SCN7A: variants seen among roughly 807,000 people sequenced by gnomAD.
The protein encoded by SCN7A is sodium channel protein type 7 subunit alpha.
Under a neutral mutation model 155.2 loss-of-function variants are expected in SCN7A, and 138 were observed. The observed-to-expected ratio is 0.89, with a 90% CI of 0.77 to 1.02. The LOEUF (loss-of-function observed/expected upper bound fraction) is 1.02. SCN7A is among the 50% of genes least tolerant of loss of function. SCN7A has a pLI of 0.00. For missense variants in SCN7A, 2,058 were observed against 1,986.6 expected, an observed-to-expected ratio of 1.04 and a Z score of -0.68; for synonymous variants, 693 against 649.0, an observed-to-expected ratio of 1.07 and a Z score of -1.03.
chr2:166,414,114 T>TATATATAAAC, intron 21 of SCN7A, among the ~76,000 whole-genome samples: 1 of 85,540 alleles, frequency 1.2e-5, no homozygotes, highest in East Asian at 3.2e-4. Flanking sequence ...TATATATAAA[T>TATATATAAAC]ATATATAATA....
chr2:166,488,977 A>C (rs1206011662), intron 1 of SCN7A, among the ~76,000 whole-genome samples: 1 of 152,204 alleles, frequency 6.6e-6, no homozygotes, highest in Non-Finnish European at 1.5e-5. Flanking sequence ...TCTTTGGCCC[A>C]GCAATTAAGC....
Position 166,416,705 on chromosome 2 carries a change from A to C in SCN7A, c.3414+2T>G, listed in dbSNP as rs764731855. 11 of 1,597,878 alleles carry C rather than the reference A, an allele frequency of 6.9e-6. No homozygotes were observed. In the Admixed American group the frequency reaches 1.7e-4, roughly 25 times the overall value. On this transcript the variant is annotated splice_donor_variant, in intron 21 of 25. Coordinates refer to ENST00000643258, the MANE Select transcript of SCN7A (RefSeq NM_002976.4). LOFTEE classifies it high-confidence loss of function. ...ATAAGGAAAAGTCAAAAGTGTACTT[A>C]CTACTTGAAGCAGAGAAAGGAAACC...
intron 23 of SCN7A, among the ~76,000 whole-genome samples, chr2:166,410,776 AG>A (rs1396317129): frequency 6.6e-6 from 1 of 152,024 alleles, no homozygotes; most frequent in Non-Finnish European, 1.5e-5. Context: ...AAATAGTATC[AG>A]AAGAGTTTTT....
Position 166,471,725 on chromosome 2 carries a change from T to TGG in SCN7A, c.572+590_572+591dup, listed in dbSNP as rs71820372. 4.3e-3 allele frequency among the ~76,000 whole-genome samples: 575 copies of TGG among 134,610 alleles called. 11 individuals are homozygous for TGG. Among genetic ancestry groups the TGG allele is most frequent in the Admixed American group, 0.027 (353 of 12,874 alleles). The allele number at this position is 134,610 out of a possible 152,430, so 88.3% of individuals were successfully genotyped here. On this transcript the variant is annotated intron_variant, in intron 6 of 25. Coordinates refer to ENST00000643258, the MANE Select transcript of SCN7A (RefSeq NM_002976.4). ...ATTGTATGAAGCATTCCAGAAAATG[T>TGG]GGGGGGGGGGGTGGTGTTTAAGATA...
chr2:166,411,688 G>C (rs1304669842), intron 23 of SCN7A, among the ~76,000 whole-genome samples: 1 of 152,082 alleles, frequency 6.6e-6, no homozygotes, highest in Middle Eastern at 3.4e-3. Flanking sequence ...CATGGAAAAG[G>C]CATCTTAACG....
chr2:166,425,517 T>C lies in SCN7A; in HGVS notation c.2854-2085A>G, dbSNP rs143370486. The stretch of plus-strand genomic sequence containing the variant: ...ATACTCTCATTCTTGATGTCAGAAA[T>C]CACTGGGCTAAAATCGAGGTGATGA... On this transcript the variant is annotated intron_variant, in intron 18 of 25. Transcript: ENST00000643258. Among the ~76,000 whole-genome samples, 407 of 152,204 alleles carry C rather than the reference T, an allele frequency of 2.7e-3. 3 individuals are homozygous for C. In the Middle Eastern group the frequency reaches 0.037, roughly 14 times the overall value.
intron 2 of SCN7A, among the ~76,000 whole-genome samples, chr2:166,478,876 A>G (rs1391037679): frequency 3.3e-5 from 5 of 151,944 alleles, no homozygotes; most frequent in Non-Finnish European, 7.4e-5. Flanking sequence ...TCATGCATCA[A>G]TTCCCCATTC....
At chr2:166,470,954 A>G (rs145377776) in intron 6 of SCN7A, among the ~76,000 whole-genome samples, 200 of 152,010 alleles carry the variant, frequency 1.3e-3, no homozygotes, top group African/African-American at 4.6e-3. Context: ...TGAATGCTCA[A>G]TTTCTCATCA....
rs538496860 is a variant in SCN7A, at chr2:166,428,222, T to G, written c.2699-280A>C. ...CATGTTGTCACTCTGCAAAACAGTC[T>G]GAGAATAGGTATTCACTAATAGCAC... On this transcript the variant is annotated intron_variant, in intron 17 of 25. Transcript: ENST00000643258. Among the ~76,000 whole-genome samples the G allele has an allele frequency of 2.0e-5, 3 of 152,180 alleles. No individual in the cohort carries two copies. In the South Asian group the frequency reaches 6.2e-4, roughly 32 times the overall value.
At chr2:166,480,467 A>G (rs368766642) in intron 2 of SCN7A, among the ~76,000 whole-genome samples, 3 of 125,162 alleles carry the variant, frequency 2.4e-5, no homozygotes, top group African/African-American at 8.7e-5. Flanking sequence ...CAAAAAAAAA[A>G]AACAAAAAAA....
intron 9 of SCN7A, among the ~76,000 whole-genome samples, chr2:166,464,166 G>A (rs757288216): frequency 2.0e-4 from 24 of 119,644 alleles, no homozygotes; most frequent in Non-Finnish European, 3.5e-4. Context: ...ATACACATAT[G>A]TGTGTATATA....
At chr2:166,458,103 G>T (rs1386435720) in intron 10 of SCN7A, among the ~76,000 whole-genome samples, 1 of 152,060 alleles carries the variant, frequency 6.6e-6, no homozygotes, top group Non-Finnish European at 1.5e-5. Flanking sequence ...GTTATTTATT[G>T]TAGTGCATTC....
chr2:166,489,747 T>TC (rs1683041583), intron 1 of SCN7A, among the ~76,000 whole-genome samples: 1 of 152,196 alleles, frequency 6.6e-6, no homozygotes, highest in South Asian at 2.1e-4. Context: ...GCAGCTATGT[T>TC]CTGCTTCCAG....
chr2:166,459,527 G>A (rs954537075), intron 10 of SCN7A, among the ~76,000 whole-genome samples: 3 of 152,012 alleles, frequency 2.0e-5, no homozygotes, highest in African/African-American at 7.2e-5. Flanking sequence ...AATATATTTT[G>A]AATTAATGGA....
chr2:166,425,614 T>C (rs951948960), intron 18 of SCN7A, among the ~76,000 whole-genome samples: 3 of 152,080 alleles, frequency 2.0e-5, no homozygotes, highest in Non-Finnish European at 4.4e-5. Context: ...TGACTACTTA[T>C]ACACTTTGGC....
At chr2:166,454,757 C>T (rs1193275824) in intron 11 of SCN7A, among the ~76,000 whole-genome samples, 1 of 152,120 alleles carries the variant, frequency 6.6e-6, no homozygotes, top group African/African-American at 2.4e-5. Flanking sequence ...TGTGAGATTG[C>T]CAGGTCCTGC....
chr2:166,409,768 T>TA lies in SCN7A; in HGVS notation c.3878dup (p.Tyr1294IlefsTer25), dbSNP rs1559084891. The stretch of plus-strand genomic sequence containing the variant: ...GCTTCAGTATACATTCCATAGTATA[T>TA]AGCATAACAAAAATTGAGTTAATCC... On this transcript the variant is annotated frameshift_variant, in exon 25 of 26. Transcript: ENST00000643258. LOFTEE classifies it high-confidence loss of function. 5 of 1,564,664 alleles carry TA rather than the reference T, an allele frequency of 3.2e-6. No individual in the cohort carries two copies. In the South Asian group the frequency reaches 5.9e-5, roughly 18 times the overall value.
At chr2:166,465,062 G>A (rs981260314) in intron 9 of SCN7A, among the ~76,000 whole-genome samples, 1 of 152,166 alleles carries the variant, frequency 6.6e-6, no homozygotes, top group Non-Finnish European at 1.5e-5. Context: ...TAGGTGATTA[G>A]GTCACGAGGG....
Position 166,416,892 on chromosome 2 carries a change from C to T in SCN7A, c.3229G>A (p.Val1077Ile), listed in dbSNP as rs1464762422. 6.2e-7 allele frequency: 1 copy of T among 1,613,132 alleles called. No individual in the cohort carries two copies. The highest frequency in any genetic ancestry group is 8.5e-7 in the Non-Finnish European group (1 of 1,179,574). The change falls in exon 21 of 26, where the codon GTA (valine) becomes ATA (isoleucine). Residue 1077 changes from valine (V) to isoleucine (I), a missense_variant. By Grantham distance (29) the Val-to-Ile change is conservative. Coordinates refer to ENST00000643258, the MANE Select transcript of SCN7A (RefSeq NM_002976.4). ...MIWLIFSIMG[V>I]DLFAGRFYEC... ...TAGAATCTGCCAGCAAATAAGTCTA[C>T]TCCCATGATACTAAAAATCAGCCAG...
Sources: allele counts gnomAD v4.1 joint callset (sites outside exome capture counted in the v4.1 genomes callset), GRCh38; gene constraint gnomAD v4.1.1; transcripts MANE v1.5; gene names NCBI Gene and HGNC (gene_info 2026-07-23, HGNC 2026-07-21).